The following BRWD1 variants were observed in gnomAD, a reference collection of about 807,000 sequenced individuals.
BRWD1 encodes bromodomain and WD repeat domain containing 1.
In BRWD1, 82 loss-of-function variants were observed where a neutral mutation model predicts 251.2. That is an observed-to-expected ratio of 0.33 (90% confidence interval 0.27 to 0.39). BRWD1 has a LOEUF of 0.39. Among genes scored for constraint, BRWD1 ranks in the 10% least tolerant of loss-of-function variants. The pLI is 1.00. For missense variants in BRWD1, 2,233 were observed against 2,711.6 expected, an observed-to-expected ratio of 0.82 and a Z score of 3.92; for synonymous variants, 918 against 902.8, an observed-to-expected ratio of 1.02 and a Z score of -0.30.
intron 10 of BRWD1, 94 bp downstream of exon 10, chr21:39,278,649 C>A: frequency 1.2e-6 from 1 of 861,254 alleles, no homozygotes; most frequent in South Asian, 2.0e-5. Context: ...AAGTCATTTA[C>A]CATGTAGCTA....
In BRWD1 at chr21:39,280,224, G is replaced by C. The variant is rs752348134; in HGVS notation, c.856C>G (p.Gln286Glu). The C allele has an allele frequency of 6.2e-7, 1 of 1,607,860 alleles. No homozygotes were observed. Among genetic ancestry groups the C allele is most frequent in the Non-Finnish European group, 8.5e-7 (1 of 1,178,000 alleles). The change falls in exon 9 of 41, where the codon CAA becomes GAA. Residue 286 changes from glutamine (Q) to glutamate (E), a missense_variant. Gln to Glu is a conservative substitution (Grantham distance 29). Transcript: ENST00000342449. ...GCACCAGTGGAAACCATGTATCTTTGAGAGCCTTTGGCCATCGGGCTAAAC... is the reference window on the plus strand; with the variant it reads ...GCACCAGTGGAAACCATGTATCTTTCAGAGCCTTTGGCCATCGGGCTAAAC... ...LQFSPMAKGS[Q>E]RYMVSTGADG...
At chr21:39,267,578 G>A (rs890004803) in intron 15 of BRWD1, among the ~76,000 whole-genome samples, 1 of 152,042 alleles carries the variant, frequency 6.6e-6, no homozygotes, top group South Asian at 2.1e-4. Context: ...CAGCCTGGGC[G>A]ACAGAGAGAG....
chr21:39,275,619 A>C (rs929116596), intron 12 of BRWD1, among the ~76,000 whole-genome samples: 1 of 152,358 alleles, frequency 6.6e-6, no homozygotes, highest in Middle Eastern at 3.4e-3. Context: ...AAAAATGCTC[A>C]GTATGTGAAG....
chr21:39,251,754 C>G (rs573807214), intron 19 of BRWD1, among the ~76,000 whole-genome samples: 26 of 152,260 alleles, frequency 1.7e-4, no homozygotes, highest in Admixed American at 7.2e-4. Flanking sequence ...TTTAAGGAAC[C>G]ATATAACGAG....
At chr21:39,313,926 G>T (rs1047747454), upstream of BRWD1, 7 of 334,504 alleles carry the variant, frequency 2.1e-5, no homozygotes, top group Non-Finnish European at 3.5e-5. Flanking sequence ...ACGCCGGGTG[G>T]CCCAGCAGCG....
chr21:39,242,075 T>C (rs2034023649), intron 21 of BRWD1, among the ~76,000 whole-genome samples: 1 of 152,200 alleles, frequency 6.6e-6, no homozygotes, highest in Admixed American at 6.5e-5. Context: ...GAGTCACACA[T>C]ATCTTACTTT....
At chr21:39,293,668 T>G in intron 8 of BRWD1, 143 bp downstream of exon 8, 1 of 664,534 alleles carries the variant, frequency 1.5e-6, no homozygotes, top group Non-Finnish European at 2.5e-6. Context: ...CCATGATTTG[T>G]ATGATTTGTA....
In BRWD1 at chr21:39,218,602, T is replaced by G. The variant is rs1302432896; in HGVS notation, c.3441A>C (p.Lys1147Asn). Reference protein sequence around the residue: ...SISVTTDELEKLLYKPQAGEW... With the variant: ...SISVTTDELENLLYKPQAGEW... ...CACCAGCTTGTGGTTTATAGAGCAA[T>G]TTCTCTAGCTCATCTGTTGTGACAG... The change falls in exon 30 of 41, where the codon AAA becomes AAC. Residue 1147 changes from lysine to asparagine, a missense_variant. Around this residue, in one of 12 missense-constraint regions of BRWD1, gnomAD observed 139 missense variants for 272.8 expected, o/e 0.51. Transcript: ENST00000342449. The G allele has an allele frequency of 6.2e-7, 1 of 1,612,098 alleles. No homozygotes were observed. Among genetic ancestry groups the G allele is most frequent in the Non-Finnish European group, 8.5e-7 (1 of 1,179,260 alleles).
Position 39,197,192 on chromosome 21 carries a change from A to G in BRWD1, c.5877T>C (p.Asn1959=), listed in dbSNP as rs1360558336. The G allele has an allele frequency of 6.2e-7, 1 of 1,613,964 alleles. No homozygotes were observed. Among genetic ancestry groups the G allele is most frequent in the Admixed American group, 1.7e-5 (1 of 60,002 alleles). Residue 1959 remains asparagine (N), a synonymous_variant, in exon 41 of 41, where the codon AAT becomes AAC. Transcript: ENST00000342449. ...CAAGATGGAGAGGTTTTTTCCTTCC[A>G]TTTTTGCTTCTAGTGTGCACATTTT... The part of the protein sequence containing the change: ...SLENVHTRSK[N]GRKKPLHLAC...
chr21:39,254,110 T>C (rs1244321348), intron 19 of BRWD1, among the ~76,000 whole-genome samples: 1 of 151,994 alleles, frequency 6.6e-6, no homozygotes, highest in Non-Finnish European at 1.5e-5. Flanking sequence ...CTACTAAAAA[T>C]ACAAAATTAG....
upstream of BRWD1, among the ~76,000 whole-genome samples, chr21:39,316,316 G>A (rs1355289048): frequency 6.6e-6 from 1 of 152,144 alleles, no homozygotes; most frequent in Non-Finnish European, 1.5e-5. Context: ...CAACAAATAA[G>A]GTAGGGCATA....
Position 39,207,090 on chromosome 21 carries a change from A to G in BRWD1, c.4198-816T>C, listed in dbSNP as rs12053672. The stretch of plus-strand genomic sequence containing the variant: ...CTCACAAATGAATGTGAAATTTGTT[A>G]TACTTAATCTGAAATGATCTTTGAC... On this transcript the variant is annotated intron_variant, in intron 36 of 40. Transcript: ENST00000342449. Among the ~76,000 whole-genome samples the G allele has an allele frequency of 5.5e-3, 839 of 152,306 alleles. 31 individuals are homozygous for G. In the East Asian group the frequency reaches 0.12, roughly 22 times the overall value.
chr21:39,194,915 C>T lies in BRWD1; in HGVS notation c.*1344G>A. 2 of 1,510,432 alleles carry T rather than the reference C, an allele frequency of 1.3e-6. No homozygotes were observed. Among genetic ancestry groups the T allele is most frequent in the African/African-American group, 1.4e-5 (1 of 72,418 alleles). The allele number at this position is 1,510,432 out of a possible 1,614,324, so 93.6% of individuals were successfully genotyped here. A position where few individuals can be genotyped will look rare whatever the true frequency, so the allele number is the denominator to read the frequency against. ...TAATAAATAACTTACAGGTGGGGTA[C>T]TGTAACATATCCCTTACCCACTAAA... On this transcript the variant is annotated 3_prime_UTR_variant, in exon 41 of 41. Transcript: ENST00000342449.
intron 13 of BRWD1, among the ~76,000 whole-genome samples, chr21:39,270,995 T>C (rs2035078940): frequency 1.3e-5 from 2 of 152,212 alleles, no homozygotes; most frequent in African/African-American, 4.8e-5. Flanking sequence ...TTTCATCCTT[T>C]ATAAAAGTGT....
intron 21 of BRWD1, among the ~76,000 whole-genome samples, chr21:39,246,676 A>C (rs1416892296): frequency 1.3e-5 from 2 of 152,266 alleles, no homozygotes. Flanking sequence ...ACTAGGCAAT[A>C]AAAAGTAAAA....
At chr21:39,298,687 G>T in intron 4 of BRWD1, 105 bp from the exon 5 acceptor site, 1 of 871,546 alleles carries the variant, frequency 1.1e-6, no homozygotes, top group Non-Finnish European at 1.6e-6. Context: ...ACTGAAAACT[G>T]TAAAACATGC....
Position 39,196,495 on chromosome 21 carries a change from T to C in BRWD1, c.6574A>G (p.Lys2192Glu). Reference protein sequence around the residue: ...KGKAKVVRKGKTFTANISKTV... With the variant: ...KGKAKVVRKGETFTANISKTV... ...TTAGATATGTTAGCTGTAAAAGTTT[T>C]ACCTTTTCTAACTACTTTTGCTTTT... The change falls in exon 41 of 41, where the codon AAA (lysine) becomes GAA (glutamate). Residue 2192 changes from lysine (K) to glutamate (E), a missense_variant. Around this residue, in one of 12 missense-constraint regions of BRWD1, gnomAD observed 928 missense variants for 970.0 expected, o/e 0.96. Transcript: ENST00000342449. 6.2e-7 allele frequency: 1 copy of C among 1,613,696 alleles called. No homozygotes were observed. Among genetic ancestry groups the C allele is most frequent in the Non-Finnish European group, 8.5e-7 (1 of 1,179,780 alleles).
At position 39,264,442 on chromosome 21, in the gene BRWD1, A is replaced by G; in HGVS notation, c.1885+18T>C. ...AAGTACAACTTTAAAAAAAAAAAAAAAAAAAGACTGCACTTACTTGTTGCC... is the reference window on the plus strand; with the variant it reads ...AAGTACAACTTTAAAAAAAAAAAAAGAAAAAGACTGCACTTACTTGTTGCC... On this transcript the variant is annotated intron_variant, in intron 17 of 40. Coordinates refer to ENST00000342449, the MANE Select transcript of BRWD1 (RefSeq NM_033656.4). The G allele has an allele frequency of 2.0e-6, 3 of 1,468,946 alleles. No homozygotes were observed. The highest frequency in any genetic ancestry group is 2.7e-6 in the Non-Finnish European group (3 of 1,097,200). The allele number at this position is 1,468,946 out of a possible 1,614,324, so 91.0% of individuals were successfully genotyped here. A position where few individuals can be genotyped will look rare whatever the true frequency, so the allele number is the denominator to read the frequency against.
intron 17 of BRWD1, among the ~76,000 whole-genome samples, chr21:39,262,192 A>C (rs1401169894): frequency 1.3e-5 from 2 of 152,242 alleles, no homozygotes; most frequent in African/African-American, 4.8e-5. Context: ...AACTGAAGAG[A>C]GAAATGACAA....
Sources: allele counts gnomAD v4.1 joint callset (sites outside exome capture counted in the v4.1 genomes callset), GRCh38; gene constraint gnomAD v4.1.1; regional missense constraint gnomAD v4.1.1; transcripts MANE v1.5; gene names NCBI Gene and HGNC (gene_info 2026-07-23, HGNC 2026-07-21).